TCF4: variants seen among roughly 807,000 people sequenced by gnomAD.
The protein encoded by TCF4 is transcription factor 4.
Under a neutral mutation model 82.1 loss-of-function variants are expected in TCF4, and 3 were observed. That is an observed-to-expected ratio of 0.04 (90% CI 0.02 to 0.09). The LOEUF (loss-of-function observed/expected upper bound fraction) is 0.09, where lower values mean the gene tolerates loss of function less well. TCF4 is among the 10% of genes least tolerant of loss of function. The pLI is 1.00. For missense variants in TCF4, 518 were observed against 852.7 expected (o/e 0.61, Z 4.89); for synonymous variants, 276 against 309.6 (o/e 0.89, Z 1.14).
intron 3 of TCF4, among the ~76,000 whole-genome samples, chr18:55,548,392 T>C (rs911820967): frequency 3.9e-5 from 6 of 152,244 alleles, no homozygotes; most frequent in African/African-American, 1.4e-4. Flanking sequence ...TTCTGGTTCC[T>C]GGTGGCATGC....
intron 16 of TCF4, 145 bp from the exon 17 acceptor site, chr18:55,232,816 T>G (rs2048282201): frequency 9.6e-7 from 1 of 1,041,788 alleles, no homozygotes; most frequent in Non-Finnish European, 1.4e-6. Context: ...TGTTGAAGTT[T>G]CAAAAAATGC....
Position 55,257,400 on chromosome 18 carries a change from A to G in TCF4, c.1070-9T>C. On this transcript the variant is annotated splice_polypyrimidine_tract_variant and intron_variant, in intron 13 of 19. Transcript: ENST00000354452. ...CCAAACAGCTGTGCCTGCTGATATT[A>G]AAGTGGGAATTACAATCAGATCTAG... 1 of 1,613,520 alleles carries G rather than the reference A, an allele frequency of 6.2e-7. No homozygotes were observed. The highest frequency in any genetic ancestry group is 1.3e-5 in the African/African-American group (1 of 75,014).
intron 3 of TCF4, among the ~76,000 whole-genome samples, chr18:55,464,605 G>A (rs1262812206): frequency 6.6e-6 from 1 of 152,140 alleles, no homozygotes; most frequent in African/African-American, 2.4e-5. Context: ...CACCAGACAT[G>A]CAACAGAAAA....
chr18:55,353,827 G>C (rs2082837315), intron 6 of TCF4, among the ~76,000 whole-genome samples: 1 of 152,196 alleles, frequency 6.6e-6, no homozygotes, highest in Non-Finnish European at 1.5e-5. Context: ...GAATTTACCT[G>C]CATATATAGA....
At chr18:55,508,126 A>G (rs368331787) in intron 3 of TCF4, among the ~76,000 whole-genome samples, 2 of 152,238 alleles carry the variant, frequency 1.3e-5, no homozygotes, top group East Asian at 3.9e-4. Flanking sequence ...CACACACAAT[A>G]TACCCCAAAA....
At chr18:55,557,036 T>A (rs563863580) in intron 3 of TCF4, among the ~76,000 whole-genome samples, 1 of 152,316 alleles carries the variant, frequency 6.6e-6, no homozygotes, top group East Asian at 1.9e-4. Context: ...CCTCTGCTTT[T>A]GCTATACCCA....
At chr18:55,584,518 A>G (rs1318749832) in intron 3 of TCF4, among the ~76,000 whole-genome samples, 2 of 147,800 alleles carry the variant, frequency 1.4e-5, no homozygotes, top group Admixed American at 7.2e-5. Context: ...TGCACTTTTA[A>G]TAAGAGATAT....
chr18:55,280,062 ACT>A (rs1248047078), intron 8 of TCF4, among the ~76,000 whole-genome samples: 2 of 151,942 alleles, frequency 1.3e-5, no homozygotes, highest in Admixed American at 6.6e-5. Flanking sequence ...TAGAGTAAAA[ACT>A]CTACCTTTCA....
chr18:55,592,214 A>T (rs1164744045), upstream of TCF4, among the ~76,000 whole-genome samples: 1 of 152,190 alleles, frequency 6.6e-6, no homozygotes, highest in African/African-American at 2.4e-5. Context: ...GAACCTGTTC[A>T]TAAATCCTCA....
At chr18:55,627,474 G>T (rs1176797154) in intron 2 of TCF4, among the ~76,000 whole-genome samples, 1 of 152,112 alleles carries the variant, frequency 6.6e-6, no homozygotes. Context: ...GTCAAGAAAG[G>T]CTTCATAGGC....
intron 8 of TCF4, among the ~76,000 whole-genome samples, chr18:55,297,012 C>G (rs565815482): frequency 1.9e-4 from 29 of 152,238 alleles, no homozygotes; most frequent in Non-Finnish European, 2.9e-4. Context: ...GCACTTCTCT[C>G]TATTTTTCAA....
intron 3 of TCF4, among the ~76,000 whole-genome samples, chr18:55,557,567 TG>T (rs2097315488): frequency 6.6e-6 from 1 of 151,680 alleles, no homozygotes. Flanking sequence ...AGGAGGAAAA[TG>T]AAAAAAAGAA....
intron 3 of TCF4, among the ~76,000 whole-genome samples, chr18:55,536,814 G>C (rs1333968942): frequency 6.6e-6 from 1 of 152,210 alleles, no homozygotes; most frequent in African/African-American, 2.4e-5. Context: ...TACAAAGTAT[G>C]TATCTTCCAT....
intron 3 of TCF4, among the ~76,000 whole-genome samples, chr18:55,473,029 T>C (rs2096219327): frequency 6.6e-6 from 1 of 152,224 alleles, no homozygotes; most frequent in South Asian, 2.1e-4. Context: ...GTGTGTATTT[T>C]TCAAACCATA....
intron 8 of TCF4, among the ~76,000 whole-genome samples, chr18:55,300,883 G>T (rs1293602203): frequency 1.3e-5 from 2 of 152,162 alleles, no homozygotes; most frequent in Admixed American, 1.3e-4. Context: ...GGGTCCACTA[G>T]CCAAGAGCTC....
At chr18:55,346,948 T>C (rs1389312795) in intron 8 of TCF4, among the ~76,000 whole-genome samples, 9 of 152,196 alleles carry the variant, frequency 5.9e-5, no homozygotes, top group Non-Finnish European at 1.0e-4. Flanking sequence ...TAATTTACTA[T>C]AGTACATTTT....
At chr18:55,427,588 T>C (rs922222435) in intron 5 of TCF4, among the ~76,000 whole-genome samples, 3 of 152,170 alleles carry the variant, frequency 2.0e-5, no homozygotes, top group Non-Finnish European at 4.4e-5. Context: ...CATCTTCTCA[T>C]CAATGAAATA....
At chr18:55,428,496 AG>A (rs2095071099) in intron 5 of TCF4, among the ~76,000 whole-genome samples, 1 of 152,206 alleles carries the variant, frequency 6.6e-6, no homozygotes, top group Non-Finnish European at 1.5e-5. Flanking sequence ...GACTGGTTAA[AG>A]GTACCTCAAA....
rs191794368 is a variant in TCF4 at position 55,468,392 on chromosome 18, C to T, written c.146-4255G>A. 1.2e-3 allele frequency among the ~76,000 whole-genome samples: 189 copies of T among 152,242 alleles called. 4 individuals carry two copies. Among genetic ancestry groups the T allele is most frequent in the Admixed American group, 0.012 (185 of 15,288 alleles). On this transcript the variant is annotated intron_variant, in intron 3 of 19. Transcript: ENST00000354452. Reference sequence around the variant, plus strand: ...CACAAAGTGTCCAGGAGAAGCATACCTAATCCTGGTATTAAGCCAGACAGA... The same window carrying T: ...CACAAAGTGTCCAGGAGAAGCATACTTAATCCTGGTATTAAGCCAGACAGA...
Sources: allele counts gnomAD v4.1 joint callset (sites outside exome capture counted in the v4.1 genomes callset), GRCh38; gene constraint gnomAD v4.1.1; transcripts MANE v1.5; gene names NCBI Gene and HGNC (gene_info 2026-07-23, HGNC 2026-07-21).